The following PLEKHG1 variants were observed in gnomAD, a reference collection of about 807,000 sequenced individuals.
The protein encoded by PLEKHG1 is pleckstrin homology and RhoGEF domain containing G1.
A neutral mutation model predicts 100.8 loss-of-function variants in PLEKHG1; 44 were observed. That is an observed-to-expected ratio of 0.44 (90% CI 0.34 to 0.56). The LOEUF is 0.56. Ranked by LOEUF, PLEKHG1 falls within the 20% of genes least tolerant of loss-of-function variation. The pLI is 0.01. For missense variants in PLEKHG1, 1,545 were observed against 1,720.9 expected, an observed-to-expected ratio of 0.90 and a Z score of 1.81; for synonymous variants, 640 against 662.5, an observed-to-expected ratio of 0.97 and a Z score of 0.52.
At chr6:150,761,464 C>T in intron 2 of PLEKHG1, among the ~76,000 whole-genome samples, 1 of 152,080 alleles carries the variant, frequency 6.6e-6, no homozygotes, top group Non-Finnish European at 1.5e-5. Flanking sequence ...TGTGCCACCA[C>T]ACCCAGCTAA....
chr6:150,805,042 T>TATTCCCCCTCAGCCTCCC (rs1786978989), intron 7 of PLEKHG1, among the ~76,000 whole-genome samples: 1 of 152,038 alleles, frequency 6.6e-6, no homozygotes, highest in Non-Finnish European at 1.5e-5. Context: ...TTCAAGCAGT[T>TATTCCCCCTCAGCCTCCC]ATTCCCCCTC....
intron 14 of PLEKHG1, chr6:150,828,012 T>G (rs551712411): frequency 1.9e-6 from 3 of 1,613,064 alleles, no homozygotes; most frequent in African/African-American, 2.7e-5. Context: ...GTGGGTCATC[T>G]TGCACCTTTA....
At chr6:150,750,440 G>C (rs981020128) in intron 2 of PLEKHG1, among the ~76,000 whole-genome samples, 1 of 152,102 alleles carries the variant, frequency 6.6e-6, no homozygotes. Flanking sequence ...TCCAGTAGAC[G>C]ATCAGTGTTG....
intron 1 of PLEKHG1, among the ~76,000 whole-genome samples, chr6:150,634,582 AAAAT>A (rs1777911610): frequency 6.6e-6 from 1 of 152,252 alleles, no homozygotes. Flanking sequence ...TAAGTGAATA[AAAAT>A]AAACATCTAA....
At chr6:150,828,055 A>G (rs1222810599) in intron 14 of PLEKHG1, 4 of 1,612,912 alleles carry the variant, frequency 2.5e-6, no homozygotes, top group Non-Finnish European at 1.7e-6. Context: ...GCCCTGATAA[A>G]TCAGCACCTC....
At chr6:150,643,196 T>C (rs947827300) in intron 2 of PLEKHG1, among the ~76,000 whole-genome samples, 14 of 152,100 alleles carry the variant, frequency 9.2e-5, no homozygotes, top group African/African-American at 3.4e-4. Flanking sequence ...ACTTTTAGCC[T>C]GTTTAAAAAA....
chr6:150,637,487 A>C (rs960416311), intron 1 of PLEKHG1, among the ~76,000 whole-genome samples: 1 of 151,848 alleles, frequency 6.6e-6, no homozygotes, highest in African/African-American at 2.4e-5. Context: ...TTGATGTATA[A>C]TATGCATAGA....
intron 4 of PLEKHG1, among the ~76,000 whole-genome samples, chr6:150,788,619 A>C (rs2128654183): frequency 6.6e-6 from 1 of 152,232 alleles, no homozygotes; most frequent in South Asian, 2.1e-4. Context: ...CCCAGTAAAC[A>C]TTTGTCTGTT....
At chr6:150,687,571 C>T (rs143797251) in intron 3 of PLEKHG1, among the ~76,000 whole-genome samples, 2 of 152,164 alleles carry the variant, frequency 1.3e-5, no homozygotes, top group African/African-American at 2.4e-5. Flanking sequence ...TACCTGACCT[C>T]GTTCTCTTCT....
rs1231842349 is a variant in PLEKHG1 at position 150,821,178 on chromosome 6, T to A, written c.1409-17T>A. ...ATTTGGTTTTGCCAATGATGCTGGC[T>A]TTGTTTTGTCTCCCAGAACCTTCCT... is the stretch of plus-strand genomic sequence containing the variant. On this transcript the variant is annotated splice_polypyrimidine_tract_variant and intron_variant, in intron 12 of 15. Coordinates refer to ENST00000358517, the Ensembl canonical transcript of PLEKHG1. 1.2e-6 allele frequency: 2 copies of A among 1,610,652 alleles called. No homozygotes were observed. Among genetic ancestry groups the A allele is most frequent in the African/African-American group, 2.7e-5 (2 of 74,508 alleles).
At chr6:150,839,005 C>G (rs116435921) in intron 15 of PLEKHG1, among the ~76,000 whole-genome samples, 5,040 of 152,264 alleles carry the variant, frequency 0.033, 97 homozygotes, top group South Asian at 0.056. Flanking sequence ...AGAAGCGCAG[C>G]AACAGCCAGG....
upstream of PLEKHG1, among the ~76,000 whole-genome samples, chr6:150,717,683 G>C (rs371724233): frequency 9.8e-5 from 15 of 152,320 alleles, no homozygotes; most frequent in South Asian, 2.5e-3. Context: ...TGTAACCCGT[G>C]CTTGCAGGGA....
chr6:150,665,410 C>G (rs548709512), intron 3 of PLEKHG1, among the ~76,000 whole-genome samples: 104 of 152,218 alleles, frequency 6.8e-4, no homozygotes, highest in Non-Finnish European at 9.8e-4. Flanking sequence ...GCAGGTAGAT[C>G]ACGAGGTCAG....
At position 150,828,210 on chromosome 6, in the gene PLEKHG1, A is replaced by G. The variant is rs1776721930; in HGVS notation, c.1471-2372A>G. Reference sequence around the variant, plus strand: ...CAAGGCTCAGTTTATTGGTCCTCTGAGTGTTTGGCGGCATGAACCTGACAA... The same window carrying G: ...CAAGGCTCAGTTTATTGGTCCTCTGGGTGTTTGGCGGCATGAACCTGACAA... On this transcript the variant is annotated intron_variant, in intron 14 of 15. Transcript: ENST00000358517. 6.2e-6 allele frequency: 9 copies of G among 1,444,504 alleles called. No individual in the cohort carries two copies. In the South Asian group the frequency reaches 1.1e-4, roughly 18 times the overall value. 89.5% of individuals were successfully genotyped at this position (1,444,504 alleles called of 1,614,324 possible). A position where few individuals can be genotyped will look rare whatever the true frequency, so the allele number is the denominator to read the frequency against.
chr6:150,730,586 G>A (rs113890435), intron 1 of PLEKHG1, among the ~76,000 whole-genome samples: 68 of 152,130 alleles, frequency 4.5e-4, no homozygotes, highest in African/African-American at 1.6e-3. Context: ...GCCGTGGACC[G>A]GTACCGCACC....
At chr6:150,829,740 C>G (rs1266772471) in intron 14 of PLEKHG1, among the ~76,000 whole-genome samples, 1 of 152,040 alleles carries the variant, frequency 6.6e-6, no homozygotes, top group Non-Finnish European at 1.5e-5. Flanking sequence ...ATTAAATGAA[C>G]AGAGGATTAA....
intron 1 of PLEKHG1, among the ~76,000 whole-genome samples, chr6:150,612,068 G>C (rs1163842007): frequency 9.2e-6 from 1 of 109,174 alleles, no homozygotes; most frequent in African/African-American, 3.6e-5. Context: ...CCCTTTTCTA[G>C]TTCTTAGTTA....
rs113112779 is a variant in PLEKHG1, at chr6:150,820,269, A to G, written c.1408+495A>G. 6.7e-3 allele frequency among the ~76,000 whole-genome samples: 1,019 copies of G among 152,266 alleles called. 4 individuals are homozygous for G. The highest frequency in any genetic ancestry group is 9.9e-3 in the Non-Finnish European group (673 of 68,024). ...CAGTGACTATCAAGCATGCCAGTCA[A>G]CTAATTTTGCTTTGTACATCTTACC... On this transcript the variant is annotated intron_variant, in intron 12 of 15. Coordinates refer to ENST00000358517, the Ensembl canonical transcript of PLEKHG1.
chr6:150,741,604 G>A (rs952220318), intron 2 of PLEKHG1, among the ~76,000 whole-genome samples: 1 of 152,132 alleles, frequency 6.6e-6, no homozygotes, highest in African/African-American at 2.4e-5. Context: ...CATCATGTGG[G>A]TACTAGTTTA....
Sources: gnomAD v4.1 joint callset for allele counts (sites outside exome capture counted in the v4.1 genomes callset) on GRCh38, gnomAD v4.1.1 for gene constraint, MANE v1.5 for transcripts, NCBI Gene and HGNC (gene_info 2026-07-23, HGNC 2026-07-21) for gene names.